The following CACNA1G variants were observed in gnomAD, a reference collection of about 807,000 sequenced individuals.
The protein encoded by CACNA1G is calcium voltage-gated channel subunit alpha1 G.
A neutral mutation model predicts 219.4 loss-of-function variants in CACNA1G; 67 were observed. The observed-to-expected ratio is 0.31, with a 90% CI of 0.25 to 0.37. The LOEUF (loss-of-function observed/expected upper bound fraction) is 0.37. Ranked by LOEUF, CACNA1G falls within the 10% of genes least tolerant of loss-of-function variation. The probability of loss-of-function intolerance (pLI) is 1.00; values close to 1 mark genes in which losing one functional copy is unlikely to be tolerated. For synonymous variants in CACNA1G, 1,296 were observed against 1,345.3 expected (o/e 0.96, Z 0.80); for missense variants, 2,380 against 3,231.4 (o/e 0.74, Z 6.39).
Position 50,596,507 on chromosome 17 carries a change from C to A in CACNA1G, c.2980-55C>A, listed in dbSNP as rs920822961. 6.7e-7 allele frequency: 1 copy of A among 1,488,348 alleles called. No individual in the cohort carries two copies. The highest frequency in any genetic ancestry group is 1.4e-5 in the African/African-American group (1 of 72,262). The allele number at this position is 1,488,348 out of a possible 1,614,324, so 92.2% of individuals were successfully genotyped here. A position where few individuals can be genotyped will look rare whatever the true frequency, so the allele number is the denominator to read the frequency against. ...GTGAAGAGAGGGAGGCCCGGTCCAT[C>A]CCAACCACCCAAGCCTGGCCGGATC... On this transcript the variant is annotated intron_variant, in intron 14 of 37. Transcript: ENST00000359106. This position sits in a 1 kb window ranked among gnomAD's most constrained non-coding sequence, Gnocchi z 4.8.
intron 25 of CACNA1G, among the ~76,000 whole-genome samples, chr17:50,609,435 G>T (rs2048698831): frequency 6.6e-6 from 1 of 152,166 alleles, no homozygotes; most frequent in Admixed American, 6.5e-5. Context: ...AGCTGAGCAG[G>T]TGCAGTGTCC....
Position 50,576,057 on chromosome 17 carries a change from C to A in CACNA1G, c.1655C>A (p.Ser552Tyr), listed in dbSNP as rs1230894868. 6 of 1,581,432 alleles carry A rather than the reference C, an allele frequency of 3.8e-6. No homozygotes were observed. The highest frequency in any genetic ancestry group is 5.2e-6 in the Non-Finnish European group (6 of 1,165,000). ...LSGAPPGGAE[S>Y]VHSFYHADCH... ...GGGGCCCCCCCTGGTGGCGCAGAGTCTGTGCACAGCTTCTACCATGCCGAC... is the reference window on the plus strand; with the variant it reads ...GGGGCCCCCCCTGGTGGCGCAGAGTATGTGCACAGCTTCTACCATGCCGAC... Residue 552 changes from serine to tyrosine, a missense_variant, in exon 8 of 38, where the codon TCT (serine) becomes TAT (tyrosine). Ser to Tyr is a moderately radical substitution (Grantham distance 144, BLOSUM62 -2). Coordinates refer to ENST00000359106, the MANE Select transcript of CACNA1G (RefSeq NM_018896.5).
In CACNA1G at chr17:50,623,074, G is replaced by C. The variant is rs571828744; in HGVS notation, c.6061-833G>C. Among the ~76,000 whole-genome samples, 5 of 148,694 alleles carry C rather than the reference G, an allele frequency of 3.4e-5. No individual in the cohort carries two copies. The East Asian group carries it at 1.0e-3, about 30-fold the overall frequency. On this transcript the variant is annotated intron_variant, in intron 35 of 37. Transcript: ENST00000359106. ...CCTCCCCCACTGACAGCACAGGGTC[G>C]TAGGGGCTGCTGTTGGCTTTTTTTT...
chr17:50,561,946 G>A (rs889565715), intron 1 of CACNA1G: 2 of 341,462 alleles, frequency 5.9e-6, no homozygotes, highest in Non-Finnish European at 1.1e-5. Context: ...TCCTGGGTTG[G>A]GGGGGTGGGG....
Position 50,591,473 on chromosome 17 carries a change from C to T in CACNA1G, c.2492C>T (p.Ser831Leu). ...GTGGGCCAGCAGGGGGGCGGCCTGT[C>T]GGTGCTGCGGACCTTCCGCCTGATG... The part of the protein sequence containing the change: ...EIVGQQGGGL[S>L]VLRTFRLMRV... Residue 831 changes from serine to leucine, a missense_variant, in exon 11 of 38, where the codon TCG becomes TTG. By Grantham distance (145) the Ser-to-Leu change is moderately radical (BLOSUM62 -2). Transcript: ENST00000359106. The T allele has an allele frequency of 2.5e-6, 4 of 1,598,246 alleles. No individual in the cohort carries two copies. The highest frequency in any genetic ancestry group is 1.7e-5 in the Admixed American group (1 of 58,660).
At chr17:50,574,080 G>C (rs1290192469) in intron 7 of CACNA1G, among the ~76,000 whole-genome samples, 1 of 152,184 alleles carries the variant, frequency 6.6e-6, no homozygotes, top group Non-Finnish European at 1.5e-5. Flanking sequence ...GTCGTCCCCT[G>C]TGAGGTGCCA....
chr17:50,572,097 C>G (rs574907593), intron 5 of CACNA1G, 60 bp downstream of exon 5: 62 of 1,539,826 alleles, frequency 4.0e-5, no homozygotes, highest in Non-Finnish European at 5.0e-5. Flanking sequence ...GGGCACCCCC[C>G]CAAGTTCCTC....
chr17:50,574,197 A>T (rs2040083296), intron 7 of CACNA1G, among the ~76,000 whole-genome samples: 1 of 151,892 alleles, frequency 6.6e-6, no homozygotes, highest in African/African-American at 2.4e-5. Context: ...CTGAGAATTC[A>T]GTCCCAGGCT....
At position 50,615,500 on chromosome 17, in the gene CACNA1G, C is replaced by T; in HGVS notation, c.4899C>T (p.Tyr1633=). ...TGGTCACCATGGCCATGGAGCACTACCAGCAGCCCCAGGTAGGAGCGAGTG... is the reference window on the plus strand; with the variant it reads ...TGGTCACCATGGCCATGGAGCACTATCAGCAGCCCCAGGTAGGAGCGAGTG... ...LNVVTMAMEH[Y]QQPQILDEAL... is the part of the protein sequence containing the mutation. The change falls in exon 27 of 38, where the codon TAC becomes TAT. Residue 1633 remains tyrosine, a synonymous_variant. Coordinates refer to ENST00000359106, the MANE Select transcript of CACNA1G (RefSeq NM_018896.5). 6.2e-7 allele frequency: 1 copy of T among 1,613,222 alleles called. No individual in the cohort carries two copies. Among genetic ancestry groups the T allele is most frequent in the South Asian group, 1.1e-5 (1 of 91,008 alleles).
At chr17:50,608,654 ACCT>A (rs1567722334) in intron 25 of CACNA1G, among the ~76,000 whole-genome samples, 1 of 151,904 alleles carries the variant, frequency 6.6e-6, no homozygotes, top group Non-Finnish European at 1.5e-5. Context: ...GGAGCCCCTC[ACCT>A]CCTCACCTGT....
chr17:50,598,430 C>T (rs188747798), intron 16 of CACNA1G, among the ~76,000 whole-genome samples: 129 of 152,366 alleles, frequency 8.5e-4, no homozygotes, highest in African/African-American at 3.0e-3. Flanking sequence ...GCCCGTATCT[C>T]GTCCACATAC....
At chr17:50,591,339 C>A in intron 10 of CACNA1G, 96 bp from the exon 11 acceptor site, 2 of 1,274,266 alleles carry the variant, frequency 1.6e-6, no homozygotes, top group Non-Finnish European at 1.0e-6. Flanking sequence ...GACGTGCCCA[C>A]CCAGCCAGGC....
chr17:50,591,400 G>C, intron 10 of CACNA1G, 35 bp from the exon 11 acceptor site: 1 of 1,499,208 alleles, frequency 6.7e-7, no homozygotes, highest in Non-Finnish European at 8.9e-7. Flanking sequence ...GAGGGTGAAG[G>C]TGCAGGGGGC....
In CACNA1G at chr17:50,618,147, G is replaced by T; in HGVS notation, c.5305+21G>T. The T allele has an allele frequency of 1.2e-6, 2 of 1,613,524 alleles. No individual in the cohort carries two copies. Among genetic ancestry groups the T allele is most frequent in the African/African-American group, 1.3e-5 (1 of 74,994 alleles). ...CCTGGGTGAGTTGGGGTAGGGGAGG[G>T]TGGAGGAGCCAGGGCTGGAGACCAG... On this transcript the variant is annotated intron_variant, in intron 31 of 37. Coordinates refer to ENST00000359106, the MANE Select transcript of CACNA1G (RefSeq NM_018896.5). This position sits in a 1 kb window ranked among gnomAD's most constrained non-coding sequence, Gnocchi z 5.3.
At chr17:50,588,610 G>A (rs889100169) in intron 9 of CACNA1G, among the ~76,000 whole-genome samples, 1 of 152,160 alleles carries the variant, frequency 6.6e-6, no homozygotes, top group Admixed American at 6.5e-5. Context: ...TGTGTGACCG[G>A]GCTAACCAGG....
In CACNA1G at chr17:50,621,217, CTCTG is replaced by C. The variant is rs2051883904; in HGVS notation, c.5926-437_5926-434del. ...ATTGTCGCCGGCGCCCCCCGTGCCG[CTCTG>C]TCTGTGCCGGGAGGAGAGACAGTGC... On this transcript the variant is annotated intron_variant, in intron 34 of 37. Transcript: ENST00000359106. The surrounding 1 kb of genome is among the most constrained non-coding windows in gnomAD (Gnocchi z 4.6). Among the ~76,000 whole-genome samples the C allele has an allele frequency of 2.0e-5, 3 of 151,776 alleles. No homozygotes were observed. Among genetic ancestry groups the C allele is most frequent in the Admixed American group, 2.0e-4 (3 of 15,264 alleles).
rs780583340 is a variant in CACNA1G at position 50,627,036 on chromosome 17, T to G, written c.*285T>G. 1 of 599,018 alleles carries G rather than the reference T, an allele frequency of 1.7e-6. No individual in the cohort carries two copies. Among genetic ancestry groups the G allele is most frequent in the South Asian group, 1.5e-5 (1 of 65,726 alleles). The allele number at this position is 599,018 out of a possible 1,614,324, so 37.1% of individuals were successfully genotyped here. On this transcript the variant is annotated 3_prime_UTR_variant, in exon 38 of 38. Transcript: ENST00000359106. The stretch of plus-strand genomic sequence containing the variant: ...GCAATACGTTTGTGCAGAATCTCTA[T>G]GTATATTCTATTTTATTAAATTAAT...
intron 9 of CACNA1G, 89 bp from the exon 10 acceptor site, chr17:50,590,382 C>T (rs1006267102): frequency 3.5e-6 from 5 of 1,429,992 alleles, no homozygotes; most frequent in Non-Finnish European, 3.9e-6. Context: ...TATTCCTGCT[C>T]CTCCTCTCCC....
Position 50,603,114 on chromosome 17 carries a change from C to T in CACNA1G, c.4084C>T (p.Leu1362=), listed in dbSNP as rs374849749. 4,431 of 1,613,186 alleles carry T rather than the reference C, an allele frequency of 2.7e-3. 6 individuals carry two copies. Among genetic ancestry groups the T allele is most frequent in the Non-Finnish European group, 3.4e-3 (3,970 of 1,179,712 alleles). ...LLVLISVIDI[L]VSMVSDSGTK... ...GGTGCTCATCTCCGTCATCGACATT[C>T]TGGTGTCCATGGTCTCTGACAGCGG... is the stretch of plus-strand genomic sequence containing the variant. The change falls in exon 21 of 38, where the codon CTG becomes TTG. Residue 1362 remains leucine, a synonymous_variant. Transcript: ENST00000359106. The surrounding 1 kb of genome is among the most constrained non-coding windows in gnomAD (Gnocchi z 6.4).
Sources: gnomAD v4.1 joint callset for allele counts (sites outside exome capture counted in the v4.1 genomes callset) on GRCh38, gnomAD v4.1.1 for gene constraint, Gnocchi (gnomAD v3.1) non-coding constraint, MANE v1.5 for transcripts, NCBI Gene and HGNC (gene_info 2026-07-23, HGNC 2026-07-21) for gene names.